ZNF184: variants seen among roughly 807,000 people sequenced by gnomAD.
ZNF184 encodes zinc finger protein 184 (Kruppel-like).
A neutral mutation model predicts 54.4 loss-of-function variants in ZNF184; 16 were observed. The ratio of observed to expected loss-of-function variants is 0.29; its 90% confidence interval spans 0.20 to 0.45. The LOEUF is 0.45. ZNF184 is among the 20% of genes least tolerant of loss of function. The pLI is 1.00. For synonymous variants in ZNF184, 254 were observed against 295.3 expected (o/e 0.86, Z 1.43); for missense variants, 681 against 888.2 (o/e 0.77, Z 2.97).
chr6:27,424,338 C>CA, the ZNF184 span, among the ~76,000 whole-genome samples: 3 of 152,156 alleles, frequency 2.0e-5, no homozygotes, highest in East Asian at 5.8e-4. Flanking sequence ...AGTAAAAGAA[C>CA]AAAGCTTCCA....
At chr6:27,414,915 C>A in the ZNF184 span, among the ~76,000 whole-genome samples, 2 of 152,134 alleles carry the variant, frequency 1.3e-5, no homozygotes, top group Non-Finnish European at 2.9e-5. Context: ...ACCTAAAACA[C>A]CCATGGGCTC....
At chr6:27,462,822 G>A (rs186369628) in intron 3 of ZNF184, among the ~76,000 whole-genome samples, 1,863 of 149,946 alleles carry the variant, frequency 0.012, 43 homozygotes, top group African/African-American at 0.043. Context: ...CTGAGATTGT[G>A]CCACTGCACT....
the ZNF184 span, among the ~76,000 whole-genome samples, chr6:27,413,212 T>A: frequency 1.3e-5 from 2 of 152,142 alleles, no homozygotes; most frequent in Non-Finnish European, 2.9e-5. Context: ...GAGCCAGAGA[T>A]CGTGCCATTG....
chr6:27,438,876 C>T, the ZNF184 span, among the ~76,000 whole-genome samples: 1 of 152,018 alleles, frequency 6.6e-6, no homozygotes, highest in Admixed American at 6.6e-5. Context: ...TTTCTTTGGC[C>T]AATTTTGAGT....
intron 3 of ZNF184, among the ~76,000 whole-genome samples, chr6:27,458,846 G>A (rs1039225659): frequency 2.6e-5 from 4 of 152,124 alleles, no homozygotes; most frequent in African/African-American, 9.7e-5. Flanking sequence ...ATCAACAGAC[G>A]AATGGATAAA....
chr6:27,453,340 G>A lies in ZNF184; in HGVS notation c.299-80C>T, dbSNP rs534623992. On this transcript the variant is annotated intron_variant, in intron 5 of 5. Transcript: ENST00000683788. This position sits in a 1 kb window ranked among gnomAD's most constrained non-coding sequence, Gnocchi z 4.7. ...ATTGTGGGAATAATATAATGATACT[G>A]AAAAATAAATCTCTCAGAAAATTCT... The A allele has an allele frequency of 6.7e-5, 89 of 1,323,856 alleles. No homozygotes were observed. The highest frequency in any genetic ancestry group is 2.0e-4 in the Middle Eastern group (1 of 5,102). 82.0% of individuals were successfully genotyped at this position (1,323,856 alleles called of 1,614,324 possible).
At chr6:27,407,876 A>G in the ZNF184 span, 1 of 822,876 alleles carries the variant, frequency 1.2e-6, no homozygotes, top group Non-Finnish European at 2.2e-6. Flanking sequence ...AAGGGAGTGA[A>G]CAGGCACCAC....
the ZNF184 span, among the ~76,000 whole-genome samples, chr6:27,435,457 A>G: frequency 6.6e-6 from 1 of 152,132 alleles, no homozygotes; most frequent in Admixed American, 6.5e-5. Flanking sequence ...TTGTTAGTGT[A>G]TAGCAATGCA....
chr6:27,404,752 C>G, the ZNF184 span: 1 of 152,222 alleles, frequency 6.6e-6, no homozygotes, highest in Non-Finnish European at 1.5e-5. Flanking sequence ...TGTGGTGGCT[C>G]ACGCTTGTAA....
At chr6:27,460,114 C>T (rs1762960130) in intron 3 of ZNF184, among the ~76,000 whole-genome samples, 1 of 152,008 alleles carries the variant, frequency 6.6e-6, no homozygotes, top group Non-Finnish European at 1.5e-5. Context: ...TTGCAGTGAC[C>T]TATGATCATA....
the ZNF184 span, among the ~76,000 whole-genome samples, chr6:27,409,106 T>G: frequency 1.3e-5 from 2 of 152,190 alleles, no homozygotes; most frequent in Non-Finnish European, 2.9e-5. Flanking sequence ...TTATTGGATG[T>G]GATGGACATG....
chr6:27,408,727 G>T, the ZNF184 span, among the ~76,000 whole-genome samples: 1 of 152,146 alleles, frequency 6.6e-6, no homozygotes, highest in Non-Finnish European at 1.5e-5. Flanking sequence ...ACCTGGGAGA[G>T]ATCTTGAATT....
At chr6:27,442,687 A>G in the ZNF184 span, among the ~76,000 whole-genome samples, 26 of 139,400 alleles carry the variant, frequency 1.9e-4, no homozygotes, top group African/African-American at 6.3e-4. Flanking sequence ...GAAAGAAAGA[A>G]AGAGAGAGAG....
chr6:27,455,132 G>A (rs1265587885), intron 5 of ZNF184, among the ~76,000 whole-genome samples: 1 of 152,140 alleles, frequency 6.6e-6, no homozygotes, highest in Non-Finnish European at 1.5e-5. Context: ...AAAGACAAAA[G>A]CAGCCAACTC....
At chr6:27,407,950 A>G in the ZNF184 span, 2 of 1,500,372 alleles carry the variant, frequency 1.3e-6, no homozygotes, top group South Asian at 2.3e-5. Context: ...GACAAGAACA[A>G]TGATGGATAC....
chr6:27,422,613 G>A, the ZNF184 span, among the ~76,000 whole-genome samples: 4 of 152,026 alleles, frequency 2.6e-5, no homozygotes, highest in Non-Finnish European at 4.4e-5. Context: ...AGCAGTTTTT[G>A]GATATGTTCC....
chr6:27,463,715 AC>A (rs1396037326), intron 3 of ZNF184, among the ~76,000 whole-genome samples: 1 of 152,288 alleles, frequency 6.6e-6, no homozygotes, highest in East Asian at 1.9e-4. Context: ...ATATAAAAAA[AC>A]AAAGATAAAA....
chr6:27,441,895 T>G, the ZNF184 span, among the ~76,000 whole-genome samples: 1 of 152,224 alleles, frequency 6.6e-6, no homozygotes. Flanking sequence ...CATTGCATTC[T>G]CTTTTCGTAG....
the ZNF184 span, among the ~76,000 whole-genome samples, chr6:27,443,042 A>G: frequency 4.6e-4 from 70 of 152,150 alleles, no homozygotes; most frequent in African/African-American, 1.6e-3. Flanking sequence ...ATGTTCCCAA[A>G]TTATCAAAGC....
Sources: allele counts gnomAD v4.1 joint callset (sites outside exome capture counted in the v4.1 genomes callset), GRCh38; gene constraint gnomAD v4.1.1; non-coding constraint Gnocchi (gnomAD v3.1); transcripts MANE v1.5; gene names NCBI Gene and HGNC (gene_info 2026-07-23, HGNC 2026-07-21).